The following UBE2G1 variants were observed in gnomAD, a reference collection of about 807,000 sequenced individuals.
The protein encoded by UBE2G1 is ubiquitin-conjugating enzyme E2 G1.
In UBE2G1, 5 loss-of-function variants were observed where a neutral mutation model predicts 22.7. That is an observed-to-expected ratio of 0.22 (90% CI 0.12 to 0.46). UBE2G1 has a LOEUF of 0.46. UBE2G1 is among the 20% of genes least tolerant of loss of function. The probability of loss-of-function intolerance (pLI) is 0.99; values close to 1 mark genes in which losing one functional copy is unlikely to be tolerated. For missense variants in UBE2G1, 88 were observed against 203.9 expected, an observed-to-expected ratio of 0.43 and a Z score of 3.46; for synonymous variants, 74 against 67.5, an observed-to-expected ratio of 1.10 and a Z score of -0.47.
At chr17:4,344,173 AT>A (rs967548653) in intron 1 of UBE2G1, among the ~76,000 whole-genome samples, 2 of 152,192 alleles carry the variant, frequency 1.3e-5, no homozygotes, top group Non-Finnish European at 2.9e-5. Flanking sequence ...AAAAAAAGCA[AT>A]CAAGAGTTAA....
At chr17:4,315,716 G>T (rs1969360044) in intron 1 of UBE2G1, among the ~76,000 whole-genome samples, 1 of 148,904 alleles carries the variant, frequency 6.7e-6, no homozygotes, top group Admixed American at 6.8e-5. Flanking sequence ...CTCCAGCCTG[G>T]GCGAAAGAGC....
At chr17:4,279,484 A>G (rs12150283) in intron 5 of UBE2G1, among the ~76,000 whole-genome samples, 144,978 of 152,190 alleles carry the variant, frequency 0.95, 69,495 homozygotes, top group East Asian at 1. Flanking sequence ...ATCAATTTCA[A>G]TGGATTCAAC....
intron 3 of UBE2G1, among the ~76,000 whole-genome samples, chr17:4,291,101 C>T (rs1969032565): frequency 6.6e-6 from 1 of 152,178 alleles, no homozygotes; most frequent in Non-Finnish European, 1.5e-5. Context: ...TGGCTCACGC[C>T]TGTAATCCCA....
At chr17:4,310,823 T>C (rs560630335) in intron 1 of UBE2G1, among the ~76,000 whole-genome samples, 7 of 152,224 alleles carry the variant, frequency 4.6e-5, no homozygotes, top group African/African-American at 1.7e-4. Context: ...GAGTATATAG[T>C]AGTCGAAACA....
chr17:4,305,849 G>A, intron 2 of UBE2G1, among the ~76,000 whole-genome samples: 1 of 152,116 alleles, frequency 6.6e-6, no homozygotes, highest in East Asian at 1.9e-4. Flanking sequence ...GCCAGCAGAT[G>A]CATCTTACAA....
intron 5 of UBE2G1, 134 bp downstream of exon 5, chr17:4,282,664 G>A (rs1399722552): frequency 5.1e-6 from 3 of 593,558 alleles, no homozygotes; most frequent in East Asian, 2.9e-5. Flanking sequence ...TTTTGAGAAC[G>A]AGACTACAGG....
chr17:4,276,653 AAGGC>A (rs35886530), intron 5 of UBE2G1, among the ~76,000 whole-genome samples: 144,698 of 151,902 alleles, frequency 0.95, 69,362 homozygotes, highest in East Asian at 1. Flanking sequence ...GCAACTAAGT[AAGGC>A]AGGCAGGCAG....
chr17:4,349,465 A>G (rs922859510), intron 1 of UBE2G1, among the ~76,000 whole-genome samples: 4 of 152,062 alleles, frequency 2.6e-5, no homozygotes, highest in Non-Finnish European at 5.9e-5. Context: ...AACTGATGTC[A>G]TCTTGAACTC....
At position 4,328,584 on chromosome 17, in the gene UBE2G1, C is replaced by T. The variant is rs1251885984; in HGVS notation, c.47-21461G>A. On this transcript the variant is annotated intron_variant, in intron 1 of 5. Coordinates refer to ENST00000396981, the MANE Select transcript of UBE2G1 (RefSeq NM_003342.5). ...CATGCTTGCTCCTTAGCTTCTTTTG[C>T]ATTCCTCTACATCTTATTCCATTTA... Among the ~76,000 whole-genome samples the T allele has an allele frequency of 5.9e-5, 9 of 152,310 alleles. 1 individual carries two copies. In the East Asian group the frequency reaches 1.7e-3, roughly 29 times the overall value.
intron 1 of UBE2G1, among the ~76,000 whole-genome samples, chr17:4,347,126 C>T (rs1969786636): frequency 6.6e-6 from 1 of 151,980 alleles, no homozygotes; most frequent in Admixed American, 6.6e-5. Flanking sequence ...GCACTCCAGC[C>T]CTGGGCAACA....
At chr17:4,365,366 A>G (rs1970020063) in intron 1 of UBE2G1, among the ~76,000 whole-genome samples, 1 of 152,168 alleles carries the variant, frequency 6.6e-6, no homozygotes, top group Admixed American at 6.5e-5. Flanking sequence ...TGCTCCGCGC[A>G]CACAGTCCTA....
At chr17:4,365,518 T>G (rs1970022977) in intron 1 of UBE2G1, among the ~76,000 whole-genome samples, 1 of 152,052 alleles carries the variant, frequency 6.6e-6, no homozygotes, top group Non-Finnish European at 1.5e-5. Context: ...CGGGCGCAGC[T>G]CCGGGGTTTG....
intron 1 of UBE2G1, among the ~76,000 whole-genome samples, chr17:4,318,524 G>T (rs1391570352): frequency 6.6e-6 from 1 of 152,150 alleles, no homozygotes. Flanking sequence ...ACAGATCTTT[G>T]ATTTCTTACA....
chr17:4,327,195 C>G (rs1243396732), intron 1 of UBE2G1, among the ~76,000 whole-genome samples: 1 of 152,176 alleles, frequency 6.6e-6, no homozygotes, highest in African/African-American at 2.4e-5. Context: ...ACTCGGGAGG[C>G]TGAGGCAGGA....
At chr17:4,320,074 T>C (rs1969420928) in intron 1 of UBE2G1, among the ~76,000 whole-genome samples, 1 of 152,098 alleles carries the variant, frequency 6.6e-6, no homozygotes, top group African/African-American at 2.4e-5. Context: ...ATTATCAGGA[T>C]TTATATATAA....
chr17:4,347,248 A>G (rs886854458), intron 1 of UBE2G1, among the ~76,000 whole-genome samples: 1 of 152,278 alleles, frequency 6.6e-6, no homozygotes, highest in East Asian at 1.9e-4. Context: ...GAATATTTGC[A>G]TACACATAAT....
chr17:4,306,196 G>A (rs1413916325), intron 2 of UBE2G1, among the ~76,000 whole-genome samples: 1 of 152,212 alleles, frequency 6.6e-6, no homozygotes, highest in African/African-American at 2.4e-5. Flanking sequence ...GATCTTGAAA[G>A]TTCTCCTTAG....
At chr17:4,288,961 G>A (rs950823410) in intron 4 of UBE2G1, among the ~76,000 whole-genome samples, 1 of 151,992 alleles carries the variant, frequency 6.6e-6, no homozygotes, top group African/African-American at 2.4e-5. Context: ...GACCACTTGG[G>A]CCCAGGAGTT....
At chr17:4,349,195 G>C (rs1029079380) in intron 1 of UBE2G1, among the ~76,000 whole-genome samples, 2 of 151,714 alleles carry the variant, frequency 1.3e-5, no homozygotes, top group Non-Finnish European at 2.9e-5. Context: ...TGGCGCATGC[G>C]TGTAGTCCCA....
Sources: gnomAD v4.1 joint callset for allele counts (sites outside exome capture counted in the v4.1 genomes callset) on GRCh38, gnomAD v4.1.1 for gene constraint, MANE v1.5 for transcripts, NCBI Gene and HGNC (gene_info 2026-07-23, HGNC 2026-07-21) for gene names.